NEK1: variants seen among roughly 807,000 people sequenced by gnomAD.
NEK1 encodes serine/threonine-protein kinase Nek1.
Under a neutral mutation model 182.1 loss-of-function variants are expected in NEK1, and 137 were observed. The ratio of observed to expected loss-of-function variants is 0.75; its 90% CI spans 0.65 to 0.87. The LOEUF (loss-of-function observed/expected upper bound fraction) is 0.87. Ranked by LOEUF, NEK1 falls within the 40% of genes least tolerant of loss-of-function variation. The probability of loss-of-function intolerance (pLI) is 0.00; values close to 1 mark genes in which losing one functional copy is unlikely to be tolerated. For synonymous variants in NEK1, 513 were observed against 492.2 expected, an observed-to-expected ratio of 1.04 and a Z score of -0.56; for missense variants, 1,391 against 1,494.4, an observed-to-expected ratio of 0.93 and a Z score of 1.14.
At chr4:169,597,451 A>C (rs1026734024) in intron 5 of NEK1, among the ~76,000 whole-genome samples, 5 of 149,566 alleles carry the variant, frequency 3.3e-5, no homozygotes, top group Non-Finnish European at 7.4e-5. Flanking sequence ...TCATCTCTAC[A>C]AAAAAAAAAT....
chr4:169,559,391 G>A (rs1762581924), intron 16 of NEK1, among the ~76,000 whole-genome samples: 1 of 152,088 alleles, frequency 6.6e-6, no homozygotes, highest in South Asian at 2.1e-4. Context: ...GATCATTCAG[G>A]AGGTAATAAG....
Position 169,424,493 on chromosome 4 carries a change from GA to G in NEK1, c.3222+59del, listed in dbSNP as rs540366708. 5.4e-4 allele frequency: 805 copies of G among 1,482,634 alleles called. 2 individuals are homozygous for G. Among genetic ancestry groups the G allele is most frequent in the Middle Eastern group, 3.1e-3 (17 of 5,512 alleles). 91.8% of individuals were successfully genotyped at this position (1,482,634 alleles called of 1,614,324 possible). On this transcript the variant is annotated intron_variant, in intron 31 of 35. Coordinates refer to ENST00000507142, the MANE Select transcript of NEK1 (RefSeq NM_001199397.3). ...AAACTCAATATTATGGTTTATAAAAGAAAAACAATAATACATGTTATCGAAT... is the reference window on the plus strand; with the variant it reads ...AAACTCAATATTATGGTTTATAAAAGAAAACAATAATACATGTTATCGAAT...
chr4:169,420,666 A>C (rs1032537578), intron 31 of NEK1, among the ~76,000 whole-genome samples: 16 of 152,190 alleles, frequency 1.1e-4, no homozygotes, highest in African/African-American at 3.6e-4. Context: ...GGTTTTTATG[A>C]CATATGTGAA....
chr4:169,479,372 T>C, intron 24 of NEK1, 31 bp downstream of exon 24: 1 of 1,585,700 alleles, frequency 6.3e-7, no homozygotes, highest in South Asian at 1.2e-5. Context: ...ATCTTTTGAC[T>C]TTGAGGAGTT....
At chr4:169,562,050 G>A (rs1763004786) in intron 13 of NEK1, 87 bp downstream of exon 13, 1 of 1,177,472 alleles carries the variant, frequency 8.5e-7, no homozygotes, top group African/African-American at 1.6e-5. Context: ...AATAAGGAAA[G>A]GTTTGGAGGC....
intron 2 of NEK1, among the ~76,000 whole-genome samples, chr4:169,604,317 A>C (rs1770979445): frequency 6.6e-6 from 1 of 152,226 alleles, no homozygotes; most frequent in Non-Finnish European, 1.5e-5. Flanking sequence ...TTTCAGGAGA[A>C]GCCAGAATAC....
intron 27 of NEK1, among the ~76,000 whole-genome samples, chr4:169,442,143 G>A (rs574219911): frequency 3.3e-5 from 5 of 152,260 alleles, no homozygotes; most frequent in African/African-American, 1.2e-4. Context: ...GGAGGCCCAA[G>A]GATTACCTGG....
At chr4:169,526,172 A>G (rs1756864472) in intron 19 of NEK1, among the ~76,000 whole-genome samples, 1 of 152,198 alleles carries the variant, frequency 6.6e-6, no homozygotes, top group African/African-American at 2.4e-5. Flanking sequence ...TCAGTTACCT[A>G]TACAGGGAAA....
chr4:169,544,093 C>G (rs545645982), intron 18 of NEK1, among the ~76,000 whole-genome samples: 2 of 152,058 alleles, frequency 1.3e-5, no homozygotes, highest in Non-Finnish European at 2.9e-5. Flanking sequence ...AGTTTCTGTC[C>G]ATTATGATAT....
At chr4:169,453,056 T>G (rs1369414515) in intron 27 of NEK1, among the ~76,000 whole-genome samples, 1 of 152,112 alleles carries the variant, frequency 6.6e-6, no homozygotes, top group Non-Finnish European at 1.5e-5. Context: ...TGAACTCCCA[T>G]TCACAATAGC....
chr4:169,421,625 C>T (rs796774301), intron 31 of NEK1, among the ~76,000 whole-genome samples: 1 of 152,262 alleles, frequency 6.6e-6, no homozygotes, highest in African/African-American at 2.4e-5. Context: ...TCTCTGTCTC[C>T]TGCTGCCATG....
rs772515579 is a variant in NEK1 at position 169,400,614 on chromosome 4, G to A, written c.3621C>T (p.Cys1207=). The A allele has an allele frequency of 2.4e-5, 38 of 1,600,518 alleles. No individual in the cohort carries two copies. Among genetic ancestry groups the A allele is most frequent in the East Asian group, 6.7e-5 (3 of 44,544 alleles). ...CCTCTAAATGGTTAAAGACACTATC[G>A]CATTCACATTCACTAGCAATTTCAC... The part of the protein sequence containing the change: ...SDGEIASECE[C]DSVFNHLEEL... Residue 1207 remains cysteine (C), a synonymous_variant, in exon 34 of 36, where the codon TGC becomes TGT. Transcript: ENST00000507142.
rs534078235 is a variant in NEK1 at position 169,405,671 on chromosome 4, T to C, written c.3374+925A>G. 2.6e-5 allele frequency among the ~76,000 whole-genome samples: 4 copies of C among 152,202 alleles called. No individual in the cohort carries two copies. In the East Asian group the frequency reaches 7.8e-4, roughly 30 times the overall value. ...ATTTTTGAGACAGGGTCTCACTCTGTTGCTCAGGCTGGAGTGCAGTGGCAT... is the reference window on the plus strand; with the variant it reads ...ATTTTTGAGACAGGGTCTCACTCTGCTGCTCAGGCTGGAGTGCAGTGGCAT... On this transcript the variant is annotated intron_variant, in intron 32 of 35. Coordinates refer to ENST00000507142, the MANE Select transcript of NEK1 (RefSeq NM_001199397.3).
intron 18 of NEK1, among the ~76,000 whole-genome samples, chr4:169,541,603 A>C (rs1759430615): frequency 6.6e-6 from 1 of 152,182 alleles, no homozygotes; most frequent in Non-Finnish European, 1.5e-5. Context: ...AATCATGGAA[A>C]GGAATGAATC....
At chr4:169,549,445 A>G (rs1456411611) in intron 18 of NEK1, among the ~76,000 whole-genome samples, 1 of 152,206 alleles carries the variant, frequency 6.6e-6, no homozygotes, top group Non-Finnish European at 1.5e-5. Context: ...TGTTTGAGAC[A>G]GAATTTTGCT....
chr4:169,395,627 T>C (rs961876374), intron 35 of NEK1, among the ~76,000 whole-genome samples: 5 of 152,240 alleles, frequency 3.3e-5, no homozygotes, highest in African/African-American at 9.6e-5. Context: ...ATAATTTACT[T>C]ACTTTTCAAA....
At chr4:169,495,611 T>C (rs1446717880) in intron 23 of NEK1, among the ~76,000 whole-genome samples, 1 of 152,232 alleles carries the variant, frequency 6.6e-6, no homozygotes, top group African/African-American at 2.4e-5. Context: ...AGTTTCAGCT[T>C]TCTACATATG....
intron 23 of NEK1, among the ~76,000 whole-genome samples, chr4:169,481,650 A>C (rs1400426637): frequency 6.6e-6 from 1 of 152,142 alleles, no homozygotes; most frequent in African/African-American, 2.4e-5. Flanking sequence ...TTTACAGCAA[A>C]CCGTGCTGTT....
chr4:169,589,564 G>T, intron 6 of NEK1, 50 bp from the exon 7 acceptor site: 2 of 1,101,628 alleles, frequency 1.8e-6, no homozygotes, highest in Non-Finnish European at 2.6e-6. Flanking sequence ...TTACAGTCCA[G>T]TTCTAAGTCA....
Sources: allele counts gnomAD v4.1 joint callset (sites outside exome capture counted in the v4.1 genomes callset), GRCh38; gene constraint gnomAD v4.1.1; transcripts MANE v1.5; gene names NCBI Gene and HGNC (gene_info 2026-07-23, HGNC 2026-07-21).